PTPRN2: variants seen among roughly 807,000 people sequenced by gnomAD.
The protein encoded by PTPRN2 is protein tyrosine phosphatase receptor type N2, also known as receptor-type tyrosine-protein phosphatase N2.
PTPRN2 carries 74 observed loss-of-function variants against 118.8 expected under a neutral mutation model. That is an observed-to-expected ratio of 0.62 (90% CI 0.52 to 0.76). The LOEUF is 0.76. Ranked by LOEUF, PTPRN2 falls within the 30% of genes least tolerant of loss-of-function variation. The pLI is 0.00. For missense variants in PTPRN2, 1,481 were observed against 1,394.4 expected, an observed-to-expected ratio of 1.06 and a Z score of -0.99; for synonymous variants, 641 against 608.0, an observed-to-expected ratio of 1.05 and a Z score of -0.80.
chr7:158,076,264 G>A (rs1164317340), intron 11 of PTPRN2, among the ~76,000 whole-genome samples: 1 of 152,216 alleles, frequency 6.6e-6, no homozygotes, highest in Non-Finnish European at 1.5e-5. Context: ...GAGCACGGAT[G>A]GGCTTCGGGC....
intron 11 of PTPRN2, among the ~76,000 whole-genome samples, chr7:157,952,809 G>A (rs954246127): frequency 5.3e-5 from 8 of 152,106 alleles, no homozygotes; most frequent in African/African-American, 1.4e-4. Flanking sequence ...CCAGACCACC[G>A]AATGCTCTGA....
chr7:158,468,500 C>T (rs1268157377), intron 2 of PTPRN2, among the ~76,000 whole-genome samples: 3 of 152,150 alleles, frequency 2.0e-5, no homozygotes. Flanking sequence ...CCGCCCTCAG[C>T]TGACATTCTG....
At chr7:157,664,059 G>A (rs2150762001) in intron 13 of PTPRN2, among the ~76,000 whole-genome samples, 2 of 152,300 alleles carry the variant, frequency 1.3e-5, no homozygotes, top group East Asian at 1.9e-4. Context: ...TGGGCTCACT[G>A]GAGATGCCAC....
chr7:157,847,829 C>G (rs1257177972), intron 12 of PTPRN2, among the ~76,000 whole-genome samples: 3 of 150,740 alleles, frequency 2.0e-5, no homozygotes. Context: ...AGCCCTCTCT[C>G]ACTCCATCAT....
chr7:158,310,618 G>A (rs1330200708), intron 3 of PTPRN2, among the ~76,000 whole-genome samples: 1 of 152,240 alleles, frequency 6.6e-6, no homozygotes, highest in Admixed American at 6.5e-5. Context: ...TTCCTCCATT[G>A]CCCTGCGCAG....
rs549641641 is a variant in PTPRN2 at position 157,910,428 on chromosome 7, A to G, written c.1724-11691T>C. Among the ~76,000 whole-genome samples the G allele has an allele frequency of 3.3e-3, 464 of 141,274 alleles. 3 individuals are homozygous for G. Among genetic ancestry groups the G allele is most frequent in the African/African-American group, 0.012 (438 of 36,894 alleles). The allele number at this position is 141,274 out of a possible 152,430, so 92.7% of individuals were successfully genotyped here. On this transcript the variant is annotated intron_variant, in intron 11 of 22. Coordinates refer to ENST00000389418, the MANE Select transcript of PTPRN2 (RefSeq NM_002847.5). The stretch of plus-strand genomic sequence containing the variant: ...CAGGATCACGCACGTACGCCGTGGG[A>G]ACGGGTCCAGGATCAGGCACGTACG...
intron 2 of PTPRN2, among the ~76,000 whole-genome samples, chr7:158,393,688 G>C (rs1812116713): frequency 6.6e-6 from 1 of 152,166 alleles, no homozygotes; most frequent in Non-Finnish European, 1.5e-5. Context: ...CTTCCCAATA[G>C]TGTGATGGCT....
intron 11 of PTPRN2, among the ~76,000 whole-genome samples, chr7:157,950,327 TC>T (rs1455492654): frequency 3.9e-5 from 6 of 152,352 alleles, no homozygotes; most frequent in African/African-American, 1.4e-4. Flanking sequence ...TTGTGCCAGG[TC>T]AAATGCTCAC....
chr7:157,939,138 G>A (rs1380668089), intron 11 of PTPRN2, among the ~76,000 whole-genome samples: 2 of 152,150 alleles, frequency 1.3e-5, no homozygotes, highest in Non-Finnish European at 1.5e-5. Context: ...AGCAAAGCAC[G>A]CAGGTCCCCA....
At chr7:158,001,667 C>T (rs555756640) in intron 11 of PTPRN2, among the ~76,000 whole-genome samples, 1 of 152,278 alleles carries the variant, frequency 6.6e-6, no homozygotes, top group Non-Finnish European at 1.5e-5. Context: ...GCCTCAGGAC[C>T]GCCCTGTCAT....
At chr7:157,848,418 T>G (rs1187011030) in intron 12 of PTPRN2, among the ~76,000 whole-genome samples, 2 of 152,028 alleles carry the variant, frequency 1.3e-5, no homozygotes, top group African/African-American at 2.4e-5. Context: ...GAGCCCTCTC[T>G]CATTACATCA....
Position 158,522,446 on chromosome 7 carries a change from A to G in PTPRN2, c.113-32661T>C, listed in dbSNP as rs115835004. ...GGGGGAAGGTCCACATCGGAATGGT[A>G]GACTGTTTAGGAGAAAGGTCCACGT... is the stretch of plus-strand genomic sequence containing the variant. On this transcript the variant is annotated intron_variant, in intron 1 of 22. Transcript: ENST00000389418. Among the ~76,000 whole-genome samples the G allele has an allele frequency of 1.1e-3, 160 of 148,554 alleles. 5 individuals are homozygous for G. Among genetic ancestry groups the G allele is most frequent in the African/African-American group, 2.8e-3 (112 of 39,338 alleles).
intron 1 of PTPRN2, among the ~76,000 whole-genome samples, chr7:158,501,622 C>G (rs978538568): frequency 6.6e-6 from 1 of 152,194 alleles, no homozygotes; most frequent in African/African-American, 2.4e-5. Context: ...GACAGCACAG[C>G]AGAGGGAGGG....
intron 11 of PTPRN2, among the ~76,000 whole-genome samples, chr7:158,004,868 T>C (rs933924453): frequency 6.6e-6 from 1 of 152,184 alleles, no homozygotes; most frequent in Non-Finnish European, 1.5e-5. Flanking sequence ...CTCATGATAA[T>C]GGTAATGTTT....
At position 157,840,091 on chromosome 7, in the gene PTPRN2, G is replaced by A. The variant is rs1808270792; in HGVS notation, c.1788+58582C>T. On this transcript the variant is annotated intron_variant, in intron 12 of 22. Coordinates refer to ENST00000389418, the MANE Select transcript of PTPRN2 (RefSeq NM_002847.5). ...ACTATGTGTGATTGTGTGGCCATAT[G>A]TGACTGTGTGACCGCGTGACTGTGT... 2.0e-5 allele frequency among the ~76,000 whole-genome samples: 3 copies of A among 147,596 alleles called. No individual in the cohort carries two copies. In the South Asian group the frequency reaches 6.6e-4, roughly 32 times the overall value.
At chr7:157,670,275 C>T (rs943318000) in intron 13 of PTPRN2, among the ~76,000 whole-genome samples, 10 of 152,126 alleles carry the variant, frequency 6.6e-5, no homozygotes, top group Admixed American at 5.9e-4. Context: ...CAGCTGCATC[C>T]GAGAGTGACC....
chr7:158,346,505 TATCC>T (rs1206707657), intron 2 of PTPRN2, among the ~76,000 whole-genome samples: 1 of 152,258 alleles, frequency 6.6e-6, no homozygotes, highest in Admixed American at 6.5e-5. Context: ...ACTGTGTCTT[TATCC>T]ATCCATCTGT....
intron 3 of PTPRN2, among the ~76,000 whole-genome samples, chr7:158,296,641 G>T (rs1025705137): frequency 6.6e-6 from 1 of 152,202 alleles, no homozygotes; most frequent in Non-Finnish European, 1.5e-5. Context: ...ACGGCCGTGG[G>T]GTCTGAGCCC....
At chr7:158,568,824 T>C (rs759326581) in intron 1 of PTPRN2, among the ~76,000 whole-genome samples, 1 of 152,118 alleles carries the variant, frequency 6.6e-6, no homozygotes, top group Admixed American at 6.5e-5. Flanking sequence ...CTTTTAAAAA[T>C]TACTAACATT....
Sources: gnomAD v4.1 joint callset for allele counts (sites outside exome capture counted in the v4.1 genomes callset) on GRCh38, gnomAD v4.1.1 for gene constraint, MANE v1.5 for transcripts, NCBI Gene and HGNC (gene_info 2026-07-23, HGNC 2026-07-21) for gene names.